PTRH1: variants seen among roughly 807,000 people sequenced by gnomAD.
PTRH1 encodes the protein peptidyl-tRNA hydrolase 1 homolog.
A neutral mutation model predicts 15.7 loss-of-function variants in PTRH1; 13 were observed. That is an observed-to-expected ratio of 0.83 (90% CI 0.54 to 1.31). PTRH1 has a LOEUF of 1.31. PTRH1 is among the 40% of genes most tolerant of loss of function. The pLI is 0.00. For missense variants in PTRH1, 319 were observed against 296.2 expected (o/e 1.08, Z -0.56); for synonymous variants, 139 against 136.7 (o/e 1.02, Z -0.12).
In PTRH1 at chr9:127,704,697, C is replaced by G. The variant is rs376601657; in HGVS notation, c.206-9556G>C. Among the ~76,000 whole-genome samples the G allele has an allele frequency of 9.9e-5, 15 of 152,150 alleles. 1 individual carries two copies. Among genetic ancestry groups the G allele is most frequent in the African/African-American group, 3.4e-4 (14 of 41,530 alleles). ...CGTTCTGTAAATGATGAGGAAAGAC[C>G]AGAGACCAGAACTCCCCCTCCCCAT... On this transcript the variant is annotated intron_variant, in intron 1 of 2. Coordinates refer to the PTRH1 transcript ENST00000335223.
chr9:127,714,641 G>T lies in PTRH1; in HGVS notation c.378C>A (p.Pro126=). ...VYLVHDELDK[P]LGRLALKLGG... is the part of the protein sequence containing the mutation. ...CCAGCTTCAGAGCCAGTCTCCCCAGGGGCTTGTCCAGCTCATCATGCACCA... is the reference window on the plus strand; with the variant it reads ...CCAGCTTCAGAGCCAGTCTCCCCAGTGGCTTGTCCAGCTCATCATGCACCA... The change falls in exon 3 of 5, where the codon CCC becomes CCA. Residue 126 remains proline (P), a synonymous_variant. Coordinates refer to ENST00000543175, the MANE Select transcript of PTRH1 (RefSeq NM_001002913.3). 2 of 1,613,954 alleles carry T rather than the reference G, an allele frequency of 1.2e-6. No homozygotes were observed. The highest frequency in any genetic ancestry group is 1.7e-6 in the Non-Finnish European group (2 of 1,179,958).
At chr9:127,712,038 A>C (rs1393951098), downstream of PTRH1, 1 of 1,521,674 alleles carries the variant, frequency 6.6e-7, no homozygotes, top group Non-Finnish European at 8.8e-7. Context: ...GACCCAGGCC[A>C]GTGACTTCCC....
At chr9:127,709,839 C>T, downstream of PTRH1, 1 of 982,328 alleles carries the variant, frequency 1.0e-6, no homozygotes. This position sits in a 1 kb window ranked among gnomAD's most constrained non-coding sequence, Gnocchi z 4.7. Context: ...TCCTACGAAG[C>T]TGGAAACATC....
chr9:127,711,517 A>T (rs758998927), downstream of PTRH1: 20 of 1,606,654 alleles, frequency 1.2e-5, no homozygotes, highest in Non-Finnish European at 1.7e-5. Context: ...AGGCCTCAGC[A>T]CAGGGCATTT....
At chr9:127,695,053 T>TTGATGATGATGATGATGATGA (rs57076743) in exon 2 of PTRH1, 19 of 671,696 alleles carry the variant, frequency 2.8e-5, no homozygotes, top group Middle Eastern at 2.4e-4. Flanking sequence ...GGCTCAGCCA[T>TTGATGATGATGATGATGATGA]TGATGATGAT....
Position 127,704,399 on chromosome 9 carries a change from C to T in PTRH1, c.206-9258G>A, listed in dbSNP as rs560227199. 7.3e-5 allele frequency among the ~76,000 whole-genome samples: 11 copies of T among 151,246 alleles called. No homozygotes were observed. In the South Asian group the frequency reaches 1.3e-3, roughly 17 times the overall value. ...GGTGCGTGCGTGTAGTCCCCAGCTA[C>T]TCGGGAGGCTGAGGCAGGAGAATCG... is the stretch of plus-strand genomic sequence containing the variant. On this transcript the variant is annotated intron_variant, in intron 1 of 2. Transcript: ENST00000335223.
chr9:127,710,756 T>TGGGCAA (rs1842747172), downstream of PTRH1: 4 of 1,561,874 alleles, frequency 2.6e-6, no homozygotes, highest in Non-Finnish European at 3.5e-6. Flanking sequence ...CAAGGACAGG[T>TGGGCAA]GGGCAAGCGG....
At chr9:127,698,527 A>C (rs1230007636) in intron 1 of PTRH1, among the ~76,000 whole-genome samples, 1 of 152,110 alleles carries the variant, frequency 6.6e-6, no homozygotes, top group African/African-American at 2.4e-5. Context: ...CTCTACAAAA[A>C]AGAAAAAGAA....
chr9:127,713,233 A>C (rs1842810482), downstream of PTRH1: 1 of 1,503,494 alleles, frequency 6.7e-7, no homozygotes. Context: ...CCCCAGGGAA[A>C]GCAAGGTGGC....
At chr9:127,713,204 G>A (rs1050705210), downstream of PTRH1, 3 of 1,526,440 alleles carry the variant, frequency 2.0e-6, no homozygotes, top group African/African-American at 2.8e-5. Context: ...CAGCAGCCCT[G>A]AGGTGAGGGT....
intron 1 of PTRH1, among the ~76,000 whole-genome samples, chr9:127,701,429 G>GGAATGAATGAATGAAT (rs34198029): frequency 6.6e-6 from 1 of 151,956 alleles, no homozygotes; most frequent in African/African-American, 2.4e-5. Context: ...ATAAAGAAAG[G>GGAATGAATGAATGAAT]GAATGAATGA....
At chr9:127,710,594 C>T (rs773156489), downstream of PTRH1, 32 of 1,575,268 alleles carry the variant, frequency 2.0e-5, no homozygotes, top group South Asian at 2.0e-4. Context: ...TGCGCTGTGG[C>T]GGCCAGGGGG....
chr9:127,694,983 C>T, exon 2 of PTRH1: 2 of 702,682 alleles, frequency 2.8e-6, no homozygotes, highest in South Asian at 3.0e-5. Context: ...TGACTTTGTT[C>T]CCTCCTGTAG....
At chr9:127,713,758 C>A, downstream of PTRH1, 1 of 1,239,106 alleles carries the variant, frequency 8.1e-7, no homozygotes, top group Non-Finnish European at 1.2e-6. Context: ...CCCCCAGCCT[C>A]GGCCTCCCAA....
In PTRH1 at chr9:127,696,780, T is replaced by A. The variant is rs1842564280; in HGVS notation, c.206-1639A>T. On this transcript the variant is annotated intron_variant, in intron 1 of 2. Coordinates refer to the PTRH1 transcript ENST00000335223. Reference sequence around the variant, plus strand: ...GGGAGGCTGAGGCAGGAGAATCACTTGACCCCGGGAGGCAGAGGTTGCAGT... The same window carrying A: ...GGGAGGCTGAGGCAGGAGAATCACTAGACCCCGGGAGGCAGAGGTTGCAGT... Among the ~76,000 whole-genome samples the A allele has an allele frequency of 2.0e-5, 3 of 152,118 alleles. No homozygotes were observed. In the South Asian group the frequency reaches 6.2e-4, roughly 32 times the overall value.
downstream of PTRH1, chr9:127,711,859 C>G: frequency 1.3e-6 from 2 of 1,581,818 alleles, no homozygotes; most frequent in Non-Finnish European, 8.6e-7. Flanking sequence ...GGAGCAGCAG[C>G]AGGACACCAA....
chr9:127,707,669 C>T (rs1331211387), intron 1 of PTRH1, among the ~76,000 whole-genome samples: 2 of 152,202 alleles, frequency 1.3e-5, no homozygotes, highest in African/African-American at 2.4e-5. Flanking sequence ...AAGGTTGATT[C>T]CCCCTCCATG....
chr9:127,705,744 C>G lies in PTRH1; in HGVS notation c.205+9691G>C, dbSNP rs931677334. Among the ~76,000 whole-genome samples, 1 of 152,238 alleles carries G rather than the reference C, an allele frequency of 6.6e-6. No individual in the cohort carries two copies. The highest frequency in any genetic ancestry group is 1.5e-5 in the Non-Finnish European group (1 of 68,038). On this transcript the variant is annotated intron_variant, in intron 1 of 2. Transcript: ENST00000335223. The surrounding 1 kb of genome is among the most constrained non-coding windows in gnomAD (Gnocchi z 4.7). ...CAATGTCCAGCAGGAGCAGGGCCAT[C>G]GCATTGAGCTGGAAGGGCACTGGGC... is the stretch of plus-strand genomic sequence containing the variant.
At position 127,715,479 on chromosome 9, in the gene PTRH1, G is replaced by A. The variant is rs533450732; in HGVS notation, c.96+65C>T. 1 of 1,607,228 alleles carries A rather than the reference G, an allele frequency of 6.2e-7. No homozygotes were observed. The highest frequency in any genetic ancestry group is 1.3e-5 in the African/African-American group (1 of 74,886). On this transcript the variant is annotated intron_variant, in intron 1 of 4. Coordinates refer to ENST00000543175, the MANE Select transcript of PTRH1 (RefSeq NM_001002913.3). The surrounding 1 kb of genome is among the most constrained non-coding windows in gnomAD (Gnocchi z 5.8). ...GCAATTTGGGGGCACTCGGCTCCCG[G>A]GACATAATGGCCGAACTGAAGCTAG...
Sources: gnomAD v4.1 joint callset for allele counts (sites outside exome capture counted in the v4.1 genomes callset) on GRCh38, gnomAD v4.1.1 for gene constraint, Gnocchi (gnomAD v3.1) non-coding constraint, MANE v1.5 for transcripts, NCBI Gene and HGNC (gene_info 2026-07-23, HGNC 2026-07-21) for gene names.